Variants in PBX1 observed in about 807,000 individuals in gnomAD.
PBX1 encodes PBX homeobox 1.
In PBX1, 6 loss-of-function variants were observed where a neutral mutation model predicts 53.4. The observed-to-expected ratio is 0.11, with a 90% CI of 0.06 to 0.22. The LOEUF (loss-of-function observed/expected upper bound fraction) is 0.22. PBX1 is among the 10% of genes least tolerant of loss of function. The pLI is 1.00. For synonymous variants in PBX1, 204 were observed against 212.3 expected, an observed-to-expected ratio of 0.96 and a Z score of 0.34; for missense variants, 251 against 551.4, an observed-to-expected ratio of 0.46 and a Z score of 5.46.
rs775524622 is a variant in PBX1, at chr1:164,847,932, A to C, written c.*1256A>C. On this transcript the variant is annotated 3_prime_UTR_variant, in exon 9 of 9. Coordinates refer to ENST00000420696, the MANE Select transcript of PBX1 (RefSeq NM_002585.4). ...CTGGAGCACTCAGGGAGCCCCATACAGTACTTACAATGTCTTTAATGGACT... is the reference window on the plus strand; with the variant it reads ...CTGGAGCACTCAGGGAGCCCCATACCGTACTTACAATGTCTTTAATGGACT... The C allele has an allele frequency of 1.9e-6, 2 of 1,053,566 alleles. No homozygotes were observed. 65.3% of individuals were successfully genotyped at this position (1,053,566 alleles called of 1,614,324 possible).
At chr1:164,625,712 G>A (rs1002430595) in intron 2 of PBX1, among the ~76,000 whole-genome samples, 3 of 151,422 alleles carry the variant, frequency 2.0e-5, no homozygotes, top group Admixed American at 6.6e-5. Context: ...GTGTATGTGA[G>A]TGTGTGTGTG....
intron 2 of PBX1, among the ~76,000 whole-genome samples, chr1:164,857,047 C>T (rs919647167): frequency 1.3e-5 from 2 of 152,152 alleles, no homozygotes; most frequent in African/African-American, 2.4e-5. Context: ...AGGTGTCCTA[C>T]AATCCAACTC....
intron 4 of PBX1, among the ~76,000 whole-genome samples, chr1:164,801,809 G>T (rs1034707089): frequency 1.3e-5 from 2 of 152,146 alleles, no homozygotes; most frequent in Non-Finnish European, 2.9e-5. Context: ...CATTTTGGGG[G>T]TATATTTATT....
rs1371902504 is a variant in PBX1, at chr1:164,730,255, G to A, written c.266-62239G>A. 2.6e-5 allele frequency among the ~76,000 whole-genome samples: 4 copies of A among 152,088 alleles called. No individual in the cohort carries two copies. In the East Asian group the frequency reaches 7.7e-4, roughly 29 times the overall value. On this transcript the variant is annotated intron_variant, in intron 2 of 8. Coordinates refer to ENST00000420696, the MANE Select transcript of PBX1 (RefSeq NM_002585.4). ...GTCCCAGAGTTGGTGGCATTGTTGGGGAAAGAGATTGCAATAGACTGGTGC... is the reference window on the plus strand; with the variant it reads ...GTCCCAGAGTTGGTGGCATTGTTGGAGAAAGAGATTGCAATAGACTGGTGC...
At chr1:164,691,361 T>C (rs571527556) in intron 2 of PBX1, among the ~76,000 whole-genome samples, 4 of 152,280 alleles carry the variant, frequency 2.6e-5, no homozygotes, top group Non-Finnish European at 5.9e-5. Flanking sequence ...GGTGCTGGAA[T>C]ATCTGGAATA....
intron 2 of PBX1, among the ~76,000 whole-genome samples, chr1:164,591,011 ATT>A (rs34197119): frequency 0.017 from 2,146 of 126,858 alleles, 51 homozygotes; most frequent in African/African-American, 0.048. Flanking sequence ...CACTTGGCTA[ATT>A]TTTTTTTTTT....
intron 2 of PBX1, among the ~76,000 whole-genome samples, chr1:164,756,207 G>C (rs1053115682): frequency 6.6e-6 from 1 of 152,012 alleles, no homozygotes; most frequent in African/African-American, 2.4e-5. Flanking sequence ...ATAGCACCGC[G>C]TAAGGATGGC....
intron 2 of PBX1, among the ~76,000 whole-genome samples, chr1:164,613,100 A>G (rs930736338): frequency 6.6e-6 from 1 of 152,154 alleles, no homozygotes; most frequent in African/African-American, 2.4e-5. Context: ...TTATGAATGT[A>G]TTTTCCTAAT....
chr1:164,773,212 A>G (rs1302734067), intron 2 of PBX1, among the ~76,000 whole-genome samples: 2 of 145,936 alleles, frequency 1.4e-5, no homozygotes, highest in African/African-American at 5.1e-5. Flanking sequence ...GCTCTTTTCT[A>G]TTTTCCAGCT....
At chr1:164,825,432 G>A (rs961640158) in intron 8 of PBX1, among the ~76,000 whole-genome samples, 10 of 152,090 alleles carry the variant, frequency 6.6e-5, no homozygotes, top group Admixed American at 2.6e-4. Context: ...AAACATGTTC[G>A]TTGAATGAAT....
chr1:164,820,495 G>T (rs1670098629), intron 7 of PBX1, among the ~76,000 whole-genome samples: 1 of 152,140 alleles, frequency 6.6e-6, no homozygotes, highest in South Asian at 2.1e-4. Flanking sequence ...AAGGGAAAAG[G>T]AGGAGGTGTT....
chr1:164,746,338 A>G (rs886333122), intron 2 of PBX1, among the ~76,000 whole-genome samples: 2 of 152,140 alleles, frequency 1.3e-5, no homozygotes, highest in African/African-American at 4.8e-5. Flanking sequence ...TGAGAAAGCT[A>G]TGGTAAATAG....
chr1:164,812,137 C>T lies in PBX1; in HGVS notation c.985C>T (p.Pro329Ser). ...HGSQANSPST[P>S]NSAGSSSSFN... ...AAGCCAAGCTAACTCGCCCTCAACT[C>T]CCAACTCGGCTGGTTAGTTTTTTCT... Residue 329 changes from proline to serine, a missense_variant, in exon 6 of 9, where the codon CCC becomes TCC. Physicochemically the swap from Pro to Ser is moderately conservative, Grantham distance 74. This residue lies in a region of PBX1 where 92 missense variants were observed against 130.4 expected (regional missense o/e 0.71). Transcript: ENST00000420696. 6.2e-7 allele frequency: 1 copy of T among 1,609,846 alleles called. No homozygotes were observed. The highest frequency in any genetic ancestry group is 8.5e-7 in the Non-Finnish European group (1 of 1,177,808).
At chr1:164,787,339 G>C (rs1320196856) in intron 2 of PBX1, among the ~76,000 whole-genome samples, 4 of 152,022 alleles carry the variant, frequency 2.6e-5, no homozygotes, top group African/African-American at 9.7e-5. Context: ...GTCCAAATCT[G>C]AAGACCACCC....
intron 4 of PBX1, among the ~76,000 whole-genome samples, chr1:164,801,966 T>C (rs1669101046): frequency 6.6e-6 from 1 of 152,220 alleles, no homozygotes; most frequent in East Asian, 1.9e-4. Flanking sequence ...GAGAGAGAGC[T>C]AAGCAAACTT....
chr1:164,868,467 C>T lies in PBX1; in HGVS notation n.258-30721C>T, dbSNP rs186765404. Reference sequence around the variant, plus strand: ...ATCTACAGGGACCCTACATGGAGTACAGGAAAGGTAGAGAGAGAAAGGCCT... The same window carrying T: ...ATCTACAGGGACCCTACATGGAGTATAGGAAAGGTAGAGAGAGAAAGGCCT... On this transcript the variant is annotated intron_variant and non_coding_transcript_variant, in intron 2 of 2. Coordinates refer to the PBX1 transcript ENST00000558796. Among the ~76,000 whole-genome samples the T allele has an allele frequency of 8.3e-4, 127 of 152,238 alleles. 1 individual carries two copies. Among genetic ancestry groups the T allele is most frequent in the Non-Finnish European group, 1.2e-4 (8 of 68,006 alleles).
intron 2 of PBX1, among the ~76,000 whole-genome samples, chr1:164,573,894 A>G (rs961989565): frequency 6.6e-6 from 1 of 152,232 alleles, no homozygotes. Flanking sequence ...TTGTTCTGGC[A>G]TAACTCCGTT....
downstream of PBX1, among the ~76,000 whole-genome samples, chr1:164,853,031 A>C (rs1671894162): frequency 6.6e-6 from 1 of 152,244 alleles, no homozygotes; most frequent in Non-Finnish European, 1.5e-5. Flanking sequence ...CCTCAAATGC[A>C]ATACAAGCTA....
At chr1:164,837,856 A>G (rs2102404083) in intron 8 of PBX1, among the ~76,000 whole-genome samples, 1 of 152,338 alleles carries the variant, frequency 6.6e-6, no homozygotes, top group Non-Finnish European at 1.5e-5. Context: ...AACTCAACCC[A>G]AAACCTGGAA....
Sources: gnomAD v4.1 joint callset for allele counts (sites outside exome capture counted in the v4.1 genomes callset) on GRCh38, gnomAD v4.1.1 for gene constraint, gnomAD v4.1.1 regional missense constraint, MANE v1.5 for transcripts, NCBI Gene and HGNC (gene_info 2026-07-23, HGNC 2026-07-21) for gene names.